The following SCAPER variants were observed in gnomAD, a reference collection of about 807,000 sequenced individuals.
SCAPER encodes S-phase cyclin A associated protein in the ER.
In SCAPER, 98 loss-of-function variants were observed where a neutral mutation model predicts 182.2. The observed-to-expected ratio is 0.54, with a 90% CI of 0.46 to 0.64. SCAPER has a LOEUF of 0.64. SCAPER is among the 30% of genes least tolerant of loss of function. The probability of loss-of-function intolerance (pLI) is 0.00; values close to 1 mark genes in which losing one functional copy is unlikely to be tolerated. For synonymous variants in SCAPER, 605 were observed against 564.6 expected (o/e 1.07, Z -1.01); for missense variants, 1,432 against 1,690.0 (o/e 0.85, Z 2.68).
intron 17 of SCAPER, among the ~76,000 whole-genome samples, chr15:76,710,714 G>C (rs1255108293): frequency 1.3e-5 from 2 of 152,068 alleles, no homozygotes; most frequent in Non-Finnish European, 2.9e-5. Context: ...CTGACCTATA[G>C]ATTCAATGCA....
chr15:76,625,072 G>A (rs577212850), intron 21 of SCAPER, among the ~76,000 whole-genome samples: 11 of 152,230 alleles, frequency 7.2e-5, no homozygotes, highest in South Asian at 2.1e-4. Flanking sequence ...GAGAGTACTC[G>A]GGTACCAACA....
chr15:76,643,753 A>T (rs1461915735), intron 21 of SCAPER, among the ~76,000 whole-genome samples: 1 of 152,202 alleles, frequency 6.6e-6, no homozygotes. Context: ...GAGGGAATAA[A>T]AACTAGCTAA....
intron 23 of SCAPER, among the ~76,000 whole-genome samples, chr15:76,558,854 C>A (rs2046382189): frequency 6.6e-6 from 1 of 151,914 alleles, no homozygotes. Flanking sequence ...GGAATATTAG[C>A]CATAAAAAAG....
At chr15:76,784,140 G>A (rs551171435) in intron 8 of SCAPER, among the ~76,000 whole-genome samples, 6 of 152,128 alleles carry the variant, frequency 3.9e-5, no homozygotes, top group African/African-American at 1.2e-4. Context: ...AAAACCCATC[G>A]TCTCTGCCCA....
At chr15:76,714,097 C>T (rs1027892615) in intron 17 of SCAPER, among the ~76,000 whole-genome samples, 5 of 151,574 alleles carry the variant, frequency 3.3e-5, no homozygotes, top group Admixed American at 2.0e-4. Flanking sequence ...ATGGAGGAAT[C>T]TCAAAAAAAT....
At position 76,391,422 on chromosome 15, in the gene SCAPER, C is replaced by T. The variant is rs148951995; in HGVS notation, c.3468-9807G>A. On this transcript the variant is annotated intron_variant, in intron 27 of 31. Coordinates refer to ENST00000563290, the MANE Select transcript of SCAPER (RefSeq NM_020843.4). ...AGTGGTATCTTGTTCATCAATCGAT[C>T]CCCAGTACCTTGACAAGGTCTGGGA... Among the ~76,000 whole-genome samples the T allele has an allele frequency of 3.3e-5, 5 of 152,284 alleles. No individual in the cohort carries two copies. The East Asian group carries it at 9.6e-4, about 29-fold the overall frequency.
At chr15:76,464,267 C>T (rs568919817) in intron 25 of SCAPER, among the ~76,000 whole-genome samples, 23 of 151,970 alleles carry the variant, frequency 1.5e-4, no homozygotes, top group Admixed American at 1.3e-4. Context: ...TGCAGTATTT[C>T]TGTTTTTGTA....
intron 30 of SCAPER, among the ~76,000 whole-genome samples, chr15:76,353,640 G>A (rs1355172240): frequency 6.6e-6 from 1 of 152,158 alleles, no homozygotes; most frequent in Non-Finnish European, 1.5e-5. Context: ...AAATACAATA[G>A]TTAAAGCCTT....
chr15:76,869,096 C>T (rs1050633777), intron 2 of SCAPER, among the ~76,000 whole-genome samples: 3 of 152,120 alleles, frequency 2.0e-5, no homozygotes, highest in African/African-American at 7.2e-5. Context: ...CTATCTCTCA[C>T]CATACCAAAA....
At chr15:76,717,744 T>C (rs1374684123) in intron 17 of SCAPER, among the ~76,000 whole-genome samples, 1 of 152,096 alleles carries the variant, frequency 6.6e-6, no homozygotes, top group Non-Finnish European at 1.5e-5. Flanking sequence ...ATCAATGGGA[T>C]GTAACAATTG....
chr15:76,491,248 T>C (rs1005383097), intron 24 of SCAPER, among the ~76,000 whole-genome samples: 1 of 152,368 alleles, frequency 6.6e-6, no homozygotes, highest in African/African-American at 2.4e-5. Flanking sequence ...GGAACTGTTA[T>C]GACTCCAGCT....
At chr15:76,873,019 G>C (rs1020966264) in intron 2 of SCAPER, among the ~76,000 whole-genome samples, 1 of 150,890 alleles carries the variant, frequency 6.6e-6, no homozygotes, top group African/African-American at 2.4e-5. Context: ...GGAGACTAAG[G>C]TGGGAGTATC....
chr15:76,669,172 T>G (rs2056834249), intron 20 of SCAPER, among the ~76,000 whole-genome samples: 1 of 151,978 alleles, frequency 6.6e-6, no homozygotes, highest in South Asian at 2.1e-4. Context: ...TACAGAGTTG[T>G]GCTCACTTTC....
intron 17 of SCAPER, among the ~76,000 whole-genome samples, chr15:76,722,379 T>C (rs1334930018): frequency 1.3e-5 from 2 of 152,208 alleles, no homozygotes; most frequent in Non-Finnish European, 1.5e-5. Flanking sequence ...GATATTGGTC[T>C]AAAATTCTCT....
intron 20 of SCAPER, among the ~76,000 whole-genome samples, chr15:76,673,076 G>T (rs573570767): frequency 1.3e-5 from 2 of 151,916 alleles, no homozygotes; most frequent in Admixed American, 6.6e-5. Flanking sequence ...GCATTTTCAA[G>T]AAAGAAATAT....
At chr15:76,456,343 T>A (rs1446809489) in intron 25 of SCAPER, among the ~76,000 whole-genome samples, 1 of 152,216 alleles carries the variant, frequency 6.6e-6, no homozygotes, top group East Asian at 1.9e-4. Context: ...TGTTTCCTGA[T>A]GCTATATTTT....
chr15:76,562,808 G>A (rs966915486), intron 23 of SCAPER, among the ~76,000 whole-genome samples: 1 of 152,060 alleles, frequency 6.6e-6, no homozygotes, highest in Non-Finnish European at 1.5e-5. Context: ...ATGCTTACAG[G>A]CACATTTTTC....
At chr15:76,490,397 G>C (rs1042719999) in intron 24 of SCAPER, among the ~76,000 whole-genome samples, 1 of 152,124 alleles carries the variant, frequency 6.6e-6, no homozygotes, top group Non-Finnish European at 1.5e-5. Context: ...GGGACATTTA[G>C]CATCTTTTCA....
chr15:76,517,158 C>T (rs181596049), intron 23 of SCAPER, among the ~76,000 whole-genome samples: 1 of 151,876 alleles, frequency 6.6e-6, no homozygotes, highest in East Asian at 1.9e-4. Context: ...CTTTTGGGAC[C>T]CTTATCTCTA....
Sources: allele counts gnomAD v4.1 joint callset (sites outside exome capture counted in the v4.1 genomes callset), GRCh38; gene constraint gnomAD v4.1.1; transcripts MANE v1.5; gene names NCBI Gene and HGNC (gene_info 2026-07-23, HGNC 2026-07-21).